The following NRXN3 variants were observed in gnomAD, a reference collection of about 807,000 sequenced individuals.
The protein encoded by NRXN3 is neurexin III.
In NRXN3, 32 loss-of-function variants were observed where a neutral mutation model predicts 137.6. The ratio of observed to expected loss-of-function variants is 0.23; its 90% CI spans 0.18 to 0.31. The LOEUF (loss-of-function observed/expected upper bound fraction) is 0.31. Ranked by LOEUF, NRXN3 falls within the 10% of genes least tolerant of loss-of-function variation. NRXN3 has a pLI of 1.00. For missense variants in NRXN3, 1,574 were observed against 2,062.5 expected, an observed-to-expected ratio of 0.76 and a Z score of 4.59; for synonymous variants, 798 against 784.5, an observed-to-expected ratio of 1.02 and a Z score of -0.29.
chr14:78,418,458 G>A (rs767829949), intron 4 of NRXN3, among the ~76,000 whole-genome samples: 2 of 152,092 alleles, frequency 1.3e-5, no homozygotes, highest in African/African-American at 4.8e-5. Context: ...CACATTGGTA[G>A]CTAAGGTTCA....
rs7153944 is a variant in NRXN3 at position 78,561,985 on chromosome 14, C to A, written c.758-83135C>A. 7.3e-3 allele frequency among the ~76,000 whole-genome samples: 1,113 copies of A among 152,278 alleles called. 16 individuals carry two copies. Among genetic ancestry groups the A allele is most frequent in the African/African-American group, 0.025 (1,057 of 41,564 alleles). On this transcript the variant is annotated intron_variant, in intron 4 of 20. Coordinates refer to ENST00000335750, the MANE Select transcript of NRXN3 (RefSeq NM_001330195.2). ...TCACAATAATATTTCCCATCCCATG[C>A]ACTCTTCTGCAATGTATCCTTGACA...
At chr14:79,720,480 A>T (rs1220424632) in intron 19 of NRXN3, among the ~76,000 whole-genome samples, 1 of 152,074 alleles carries the variant, frequency 6.6e-6, no homozygotes, top group Non-Finnish European at 1.5e-5. Context: ...TGTGATGAAC[A>T]CTATGCACAG....
At chr14:79,553,862 C>G (rs931528145) in intron 16 of NRXN3, among the ~76,000 whole-genome samples, 4 of 152,138 alleles carry the variant, frequency 2.6e-5, no homozygotes, top group Admixed American at 2.0e-4. Flanking sequence ...TTTGTTTTTA[C>G]AATCACAACA....
intron 15 of NRXN3, among the ~76,000 whole-genome samples, chr14:79,148,803 A>G (rs1214243520): frequency 1.3e-5 from 2 of 152,074 alleles, no homozygotes; most frequent in African/African-American, 2.4e-5. Context: ...CTGCCTTACT[A>G]ATTTCTTAGC....
intron 15 of NRXN3, among the ~76,000 whole-genome samples, chr14:79,005,639 A>G (rs1015528745): frequency 6.6e-6 from 1 of 152,122 alleles, no homozygotes; most frequent in Non-Finnish European, 1.5e-5. Context: ...CCTGTGGGAA[A>G]ACTCTCTTCC....
chr14:78,461,443 G>T (rs1367977089), intron 4 of NRXN3, among the ~76,000 whole-genome samples: 3 of 152,168 alleles, frequency 2.0e-5, no homozygotes, highest in South Asian at 2.1e-4. Context: ...ACACAAGAAA[G>T]GTTCTTGCAA....
At chr14:78,814,751 T>C (rs955737613) in intron 10 of NRXN3, among the ~76,000 whole-genome samples, 2 of 152,186 alleles carry the variant, frequency 1.3e-5, no homozygotes, top group Admixed American at 6.5e-5. Flanking sequence ...TGAAAACAGG[T>C]ATGAACTTCT....
chr14:79,204,720 A>G (rs2066545805), intron 15 of NRXN3, among the ~76,000 whole-genome samples: 1 of 152,156 alleles, frequency 6.6e-6, no homozygotes, highest in African/African-American at 2.4e-5. Context: ...TGGAACAAAA[A>G]CACCCTGAAT....
At chr14:79,618,857 T>C (rs1447433327) in intron 16 of NRXN3, among the ~76,000 whole-genome samples, 2 of 152,054 alleles carry the variant, frequency 1.3e-5, no homozygotes, top group Non-Finnish European at 2.9e-5. Flanking sequence ...TTCCAACATC[T>C]GTTTTTTTGT....
chr14:79,359,055 G>A (rs572896422), intron 15 of NRXN3, among the ~76,000 whole-genome samples: 1 of 152,220 alleles, frequency 6.6e-6, no homozygotes, highest in South Asian at 2.1e-4. Flanking sequence ...ACATATGTTT[G>A]CAGCATAATT....
At chr14:79,573,308 G>A (rs1205452605) in intron 16 of NRXN3, among the ~76,000 whole-genome samples, 1 of 152,136 alleles carries the variant, frequency 6.6e-6, no homozygotes, top group Non-Finnish European at 1.5e-5. Context: ...TGTAAAAGAA[G>A]GTGTAGGGCA....
chr14:79,094,969 AGAGAGAGAGAGTGT>A (rs1438224893), intron 15 of NRXN3, among the ~76,000 whole-genome samples: 81 of 99,418 alleles, frequency 8.1e-4, no homozygotes, highest in Middle Eastern at 4.8e-3. Flanking sequence ...AGAGAGAGAG[AGAGAGAGAGAGTGT>A]GTGTGTGTGT....
intron 17 of NRXN3, among the ~76,000 whole-genome samples, chr14:79,682,343 T>C (rs2098674797): frequency 6.6e-6 from 1 of 152,158 alleles, no homozygotes; most frequent in South Asian, 2.1e-4. Flanking sequence ...ACAAATCAAT[T>C]TGAATTAATT....
chr14:79,857,638 T>C (rs1355866250), intron 20 of NRXN3, among the ~76,000 whole-genome samples: 3 of 152,114 alleles, frequency 2.0e-5, no homozygotes, highest in Non-Finnish European at 2.9e-5. Context: ...ATCTTAAACA[T>C]GGAATTTAAT....
chr14:78,668,026 T>G (rs775660338), intron 6 of NRXN3, among the ~76,000 whole-genome samples: 1 of 152,212 alleles, frequency 6.6e-6, no homozygotes, highest in Non-Finnish European at 1.5e-5. Flanking sequence ...CCTCAGGTGA[T>G]GCACCCACCT....
chr14:78,903,068 G>A (rs1012570365), intron 10 of NRXN3, among the ~76,000 whole-genome samples: 1 of 151,068 alleles, frequency 6.6e-6, no homozygotes, highest in African/African-American at 2.4e-5. Context: ...TTTGTACTGA[G>A]CTCTTACATT....
At chr14:78,975,794 A>G (rs1400371247) in intron 14 of NRXN3, among the ~76,000 whole-genome samples, 1 of 152,182 alleles carries the variant, frequency 6.6e-6, no homozygotes, top group East Asian at 1.9e-4. Context: ...CACCCTCTCC[A>G]CTGCTACACT....
At chr14:78,361,865 C>A (rs2085170379) in intron 4 of NRXN3, among the ~76,000 whole-genome samples, 1 of 152,042 alleles carries the variant, frequency 6.6e-6, no homozygotes, top group South Asian at 2.1e-4. Flanking sequence ...CATCAAGGTA[C>A]TTTTCAAAGG....
chr14:78,377,315 G>A (rs1445192744), intron 4 of NRXN3, among the ~76,000 whole-genome samples: 1 of 152,024 alleles, frequency 6.6e-6, no homozygotes, highest in Non-Finnish European at 1.5e-5. Context: ...AGACAAACAG[G>A]GACATTTTAA....
Sources: gnomAD v4.1 joint callset for allele counts (sites outside exome capture counted in the v4.1 genomes callset) on GRCh38, gnomAD v4.1.1 for gene constraint, MANE v1.5 for transcripts, NCBI Gene and HGNC (gene_info 2026-07-23, HGNC 2026-07-21) for gene names.